Variants in CEP85L observed in about 807,000 individuals in gnomAD.
CEP85L encodes the protein centrosomal protein of 85 kDa-like.
A neutral mutation model predicts 100.3 loss-of-function variants in CEP85L; 60 were observed. That is an observed-to-expected ratio of 0.60 (90% confidence interval 0.49 to 0.74). CEP85L has a LOEUF of 0.74. Among genes scored for constraint, CEP85L ranks in the 30% least tolerant of loss-of-function variants. The pLI is 0.00. For synonymous variants in CEP85L, 319 were observed against 322.7 expected (o/e 0.99, Z 0.12); for missense variants, 973 against 936.2 (o/e 1.04, Z -0.51).
intron 5 of CEP85L, chr6:118,502,244 C>A: frequency 1.6e-6 from 1 of 607,092 alleles, no homozygotes. Context: ...CATTATGACT[C>A]CACATTTATG....
intron 1 of CEP85L, among the ~76,000 whole-genome samples, chr6:118,642,643 G>A (rs545884722): frequency 1.3e-5 from 2 of 152,268 alleles, no homozygotes; most frequent in South Asian, 2.1e-4. Flanking sequence ...GTTGGGCACG[G>A]TGGTTCACAT....
At position 118,479,901 on chromosome 6, in the gene CEP85L, A is replaced by G. The variant is rs370516795; in HGVS notation, c.1884T>C (p.Asp628=). 27 of 1,496,036 alleles carry G rather than the reference A, an allele frequency of 1.8e-5. No homozygotes were observed. The Admixed American group carries it at 4.1e-4, about 23-fold the overall frequency. 92.7% of individuals were successfully genotyped at this position (1,496,036 alleles called of 1,614,324 possible). ...TTTCTAAAATCATTCTGTCAATCTCATCTTGTTGGCTGTCTATTATCTAAA... is the reference window on the plus strand; with the variant it reads ...TTTCTAAAATCATTCTGTCAATCTCGTCTTGTTGGCTGTCTATTATCTAAA... The part of the protein sequence containing the change: ...TASKIIDSQQ[D]EIDRMILEIQ... The change falls in exon 10 of 13, where the codon GAT becomes GAC. Residue 628 remains aspartate (D), a synonymous_variant. Coordinates refer to ENST00000368491, the MANE Select transcript of CEP85L (RefSeq NM_001042475.3).
chr6:118,567,265 A>G (rs868399331), intron 2 of CEP85L, among the ~76,000 whole-genome samples: 1 of 136,388 alleles, frequency 7.3e-6, no homozygotes, highest in Non-Finnish European at 1.6e-5. Flanking sequence ...ATATATATAT[A>G]TATATATATA....
At chr6:118,696,950 C>T (rs568752667) in intron 1 of CEP85L, among the ~76,000 whole-genome samples, 160 of 152,258 alleles carry the variant, frequency 1.1e-3, no homozygotes, top group African/African-American at 3.6e-3. Context: ...TCAGGAGAGA[C>T]ATCTTCACAC....
rs192204327 is a variant in CEP85L, at chr6:118,700,628, T to C, written c.-28+9408A>G. Among the ~76,000 whole-genome samples, 378 of 152,292 alleles carry C rather than the reference T, an allele frequency of 2.5e-3. 2 individuals carry two copies. The highest frequency in any genetic ancestry group is 0.011 in the South Asian group (53 of 4,828). On this transcript the variant is annotated intron_variant, in intron 1 of 13. Transcript: ENST00000368488. ...CTTGAATTTGGCTTTGCAGTTGAAC[T>C]CCTGAGGCATATGGGATCTGAATCT... is the stretch of plus-strand genomic sequence containing the variant.
chr6:118,564,350 T>A (rs7770787), intron 3 of CEP85L, among the ~76,000 whole-genome samples: 4 of 152,366 alleles, frequency 2.6e-5, no homozygotes, highest in African/African-American at 9.6e-5. Flanking sequence ...TCTGTTTTCC[T>A]ATAATGACAA....
chr6:118,577,313 C>T (rs567279864), intron 2 of CEP85L, among the ~76,000 whole-genome samples: 6 of 152,222 alleles, frequency 3.9e-5, no homozygotes, highest in East Asian at 1.9e-4. Context: ...GTAACTGGAG[C>T]GGCACTTGCG....
intron 4 of CEP85L, among the ~76,000 whole-genome samples, chr6:118,515,097 A>G (rs1436121040): frequency 6.6e-6 from 1 of 152,046 alleles, no homozygotes; most frequent in Non-Finnish European, 1.5e-5. Flanking sequence ...ATGTGCGCCA[A>G]CTTGCCAGGC....
chr6:118,639,296 C>T (rs17080419), intron 1 of CEP85L, among the ~76,000 whole-genome samples: 1,691 of 152,288 alleles, frequency 0.011, 43 homozygotes, highest in African/African-American at 0.039. Context: ...ACTCTACTAT[C>T]TTCTAGAATC....
chr6:118,687,585 G>T (rs1281356663), intron 1 of CEP85L, among the ~76,000 whole-genome samples: 1 of 152,226 alleles, frequency 6.6e-6, no homozygotes, highest in African/African-American at 2.4e-5. Context: ...TGAGAGCACA[G>T]GGGAAGGGAC....
chr6:118,508,575 G>A (rs1247319907), intron 5 of CEP85L, among the ~76,000 whole-genome samples: 2 of 152,082 alleles, frequency 1.3e-5, no homozygotes, highest in Non-Finnish European at 2.9e-5. Flanking sequence ...CTCTACCTAT[G>A]AGACTGAGTG....
chr6:118,597,927 G>C (rs529604460), intron 2 of CEP85L, among the ~76,000 whole-genome samples: 25 of 152,266 alleles, frequency 1.6e-4, no homozygotes, highest in Admixed American at 7.2e-4. Flanking sequence ...GGTTAATACC[G>C]TAATACTCTA....
At chr6:118,522,336 G>C (rs1279903619) in intron 4 of CEP85L, among the ~76,000 whole-genome samples, 4 of 152,014 alleles carry the variant, frequency 2.6e-5, no homozygotes, top group Non-Finnish European at 5.9e-5. Context: ...CTCCAGCCTG[G>C]GCAACAAGAG....
chr6:118,470,598 A>G lies in CEP85L; in HGVS notation c.1961T>C (p.Met654Thr), dbSNP rs774834119. The G allele has an allele frequency of 5.6e-6, 9 of 1,607,562 alleles. No individual in the cohort carries two copies. Among genetic ancestry groups the G allele is most frequent in the East Asian group, 2.3e-5 (1 of 44,328 alleles). ...TTCTTTCTTTTCCAGCTCTTCCATC[A>G]TCTTTTGAGTGGTCAGTTTCTCTTT... Reference protein sequence around the residue: ...LSKEKLTTQKMMEELEKKERN... With the variant: ...LSKEKLTTQKTMEELEKKERN... The change falls in exon 11 of 13, where the codon ATG becomes ACG. Residue 654 changes from methionine (M) to threonine (T), a missense_variant. Transcript: ENST00000368491.
chr6:118,587,537 G>A (rs1243977350), intron 2 of CEP85L, among the ~76,000 whole-genome samples: 3 of 152,126 alleles, frequency 2.0e-5, no homozygotes, highest in East Asian at 1.9e-4. Flanking sequence ...TGGAAGTACC[G>A]ATGGGAGTGG....
intron 5 of CEP85L, 149 bp from the exon 6 acceptor site, chr6:118,492,014 A>C: frequency 1.9e-6 from 1 of 522,646 alleles, no homozygotes; most frequent in South Asian, 4.0e-5. Flanking sequence ...CTTGCTTCCT[A>C]GTTATGTACC....
At chr6:118,621,848 A>C (rs1329869895) in intron 2 of CEP85L, among the ~76,000 whole-genome samples, 1 of 152,212 alleles carries the variant, frequency 6.6e-6, no homozygotes, top group African/African-American at 2.4e-5. Flanking sequence ...GGATACAGTG[A>C]GAAGGCCAAG....
chr6:118,605,338 G>A (rs952610745), intron 2 of CEP85L, among the ~76,000 whole-genome samples: 1 of 152,160 alleles, frequency 6.6e-6, no homozygotes, highest in Non-Finnish European at 1.5e-5. Flanking sequence ...TCTCCCAGTG[G>A]GGGGTGGGGA....
At chr6:118,557,631 G>A (rs951459512) in intron 3 of CEP85L, among the ~76,000 whole-genome samples, 2 of 152,096 alleles carry the variant, frequency 1.3e-5, no homozygotes, top group Admixed American at 6.6e-5. Flanking sequence ...ATCCAAGGTG[G>A]GTTCCTCCCT....
Sources: gnomAD v4.1 joint callset for allele counts (sites outside exome capture counted in the v4.1 genomes callset) on GRCh38, gnomAD v4.1.1 for gene constraint, MANE v1.5 for transcripts, NCBI Gene and HGNC (gene_info 2026-07-23, HGNC 2026-07-21) for gene names.